NCAPD3: variants seen among roughly 807,000 people sequenced by gnomAD.
NCAPD3 encodes non-SMC condensin II complex subunit D3.
A neutral mutation model predicts 182.9 loss-of-function variants in NCAPD3; 105 were observed. That is an observed-to-expected ratio of 0.57 (90% CI 0.49 to 0.68). NCAPD3 has a LOEUF of 0.68. Ranked by LOEUF, NCAPD3 falls within the 30% of genes least tolerant of loss-of-function variation. The pLI is 0.00. For synonymous variants in NCAPD3, 815 were observed against 679.9 expected (o/e 1.20, Z -3.09); for missense variants, 1,944 against 1,837.0 (o/e 1.06, Z -1.07).
At chr11:134,217,824 C>A (rs1018804913) in intron 2 of NCAPD3, among the ~76,000 whole-genome samples, 5 of 152,132 alleles carry the variant, frequency 3.3e-5, no homozygotes, top group African/African-American at 7.2e-5. Context: ...CTCCACTGGG[C>A]ACAATGGCTC....
Position 134,194,102 on chromosome 11 carries a change from C to A in NCAPD3, c.1738G>T (p.Asp580Tyr), listed in dbSNP as rs1462274104. ...CACTGGTCCTGCAGAATCCACAGGT[C>A]TTCCTTCATGCCTGAGACATCACAG... ...KHCDVSGMKE[D>Y]LWILQDQCRD... The change falls in exon 15 of 35, where the codon GAC (aspartate) becomes TAC (tyrosine). Residue 580 changes from aspartate (D) to tyrosine (Y), a missense_variant. Asp to Tyr is a radical substitution (Grantham distance 160). Transcript: ENST00000534548. 6.2e-7 allele frequency: 1 copy of A among 1,614,182 alleles called. No individual in the cohort carries two copies.
chr11:134,209,832 A>G (rs1937763489), intron 4 of NCAPD3: 1 of 230,224 alleles, frequency 4.3e-6, no homozygotes, highest in African/African-American at 2.3e-5. Flanking sequence ...AGGTGAGTGG[A>G]TCACCTGAGG....
rs145676790 is a variant in NCAPD3, at chr11:134,220,023, T to G, written c.219+549A>C. ...CTTGGTCAGGCTGGTCTTGAACTCC[T>G]GACTTCGTGATCCACCCACCTCGGC... On this transcript the variant is annotated intron_variant, in intron 2 of 34. Transcript: ENST00000534548. Among the ~76,000 whole-genome samples the G allele has an allele frequency of 7.3e-3, 1,105 of 152,246 alleles. 10 individuals are homozygous for G. The highest frequency in any genetic ancestry group is 0.025 in the African/African-American group (1,041 of 41,532).
At chr11:134,164,320 G>A (rs189618554) in intron 27 of NCAPD3, among the ~76,000 whole-genome samples, 1 of 152,376 alleles carries the variant, frequency 6.6e-6, no homozygotes, top group East Asian at 1.9e-4. Flanking sequence ...AGAGATGACT[G>A]AGGGAGTTTT....
upstream of NCAPD3, chr11:134,225,300 C>T (rs755131324): frequency 6.2e-6 from 10 of 1,614,074 alleles, no homozygotes; most frequent in South Asian, 9.9e-5. Flanking sequence ...CCCCAACAAG[C>T]GGCTGGAGCA....
intron 13 of NCAPD3, among the ~76,000 whole-genome samples, chr11:134,195,174 C>G (rs1032982925): frequency 6.6e-6 from 1 of 152,186 alleles, no homozygotes; most frequent in Non-Finnish European, 1.5e-5. Flanking sequence ...AATCATAGCT[C>G]ACCGCAATCT....
rs1412017589 is a variant in NCAPD3 at position 134,151,144 on chromosome 11, C to T, written c.*1800G>A. On this transcript the variant is annotated 3_prime_UTR_variant, in exon 35 of 35. Transcript: ENST00000534548. ...CTGGAGAATGGCTCTCACTACTCAC[C>T]TTGTCTTTCAGCTTCCAGTGTCTTG... 4 of 152,308 alleles carry T rather than the reference C, an allele frequency of 2.6e-5. No homozygotes were observed. Among genetic ancestry groups the T allele is most frequent in the Non-Finnish European group, 5.9e-5 (4 of 68,076 alleles). 9.4% of individuals were successfully genotyped at this position (152,308 alleles called of 1,614,324 possible). A position where few individuals can be genotyped will look rare whatever the true frequency, so the allele number is the denominator to read the frequency against.
intron 24 of NCAPD3, 152 bp from the exon 25 acceptor site, chr11:134,169,206 A>G (rs1490021610): frequency 1.4e-6 from 1 of 707,806 alleles, no homozygotes; most frequent in Non-Finnish European, 2.1e-6. Context: ...GGATCCAAAG[A>G]AGACAGAAAT....
rs564955275 is a variant in NCAPD3, at chr11:134,196,107, C to A, written c.1616-1369G>T. ...ACTAATACACCTTTAGCTAGACTGGCGAAGAAAATAAGAAAGAAAATTGAA... is the reference window on the plus strand; with the variant it reads ...ACTAATACACCTTTAGCTAGACTGGAGAAGAAAATAAGAAAGAAAATTGAA... On this transcript the variant is annotated intron_variant, in intron 13 of 34. Coordinates refer to ENST00000534548, the MANE Select transcript of NCAPD3 (RefSeq NM_015261.3). Among the ~76,000 whole-genome samples, 83 of 151,664 alleles carry A rather than the reference C, an allele frequency of 5.5e-4. No individual in the cohort carries two copies. In the Middle Eastern group the frequency reaches 0.017, roughly 31 times the overall value.
At chr11:134,153,551 C>T (rs932944837) in intron 32 of NCAPD3, 188 bp from the exon 33 acceptor site, 25 of 632,082 alleles carry the variant, frequency 4.0e-5, no homozygotes, top group African/African-American at 3.8e-4. Flanking sequence ...TCCTTTCCGT[C>T]TCTCTGACCC....
At chr11:134,180,369 G>A (rs564006695) in intron 20 of NCAPD3, among the ~76,000 whole-genome samples, 21 of 152,204 alleles carry the variant, frequency 1.4e-4, no homozygotes, top group Admixed American at 9.8e-4. Context: ...GGCCCGTTTT[G>A]GTTAAATAAT....
intron 27 of NCAPD3, among the ~76,000 whole-genome samples, chr11:134,167,637 T>A: frequency 8.4e-6 from 1 of 118,388 alleles, no homozygotes. Context: ...GGCACACTAG[T>A]GAGATGAGCT....
intron 27 of NCAPD3, among the ~76,000 whole-genome samples, chr11:134,166,777 G>T (rs1189742607): frequency 1.6e-5 from 2 of 127,168 alleles, no homozygotes; most frequent in African/African-American, 6.2e-5. Context: ...TGAGCTTGGG[G>T]GAGGCGCACA....
rs865850831 is a variant in NCAPD3 at position 134,176,643 on chromosome 11, C to G, written c.3022-257G>C. On this transcript the variant is annotated intron_variant, in intron 23 of 34. Coordinates refer to ENST00000534548, the MANE Select transcript of NCAPD3 (RefSeq NM_015261.3). ...GCCACCCTCTATTTATAATACGGTT[C>G]GTAATACATGAAAAGATGAGCATAC... Among the ~76,000 whole-genome samples, 4 of 152,110 alleles carry G rather than the reference C, an allele frequency of 2.6e-5. No individual in the cohort carries two copies. The South Asian group carries it at 6.2e-4, about 24-fold the overall frequency.
chr11:134,170,449 C>A (rs930428399), intron 24 of NCAPD3, among the ~76,000 whole-genome samples: 3 of 152,164 alleles, frequency 2.0e-5, no homozygotes, highest in Admixed American at 6.5e-5. Flanking sequence ...ATGAAAAAAA[C>A]CACTAAACAA....
At chr11:134,211,459 G>T (rs750284903) in intron 3 of NCAPD3, among the ~76,000 whole-genome samples, 1 of 151,990 alleles carries the variant, frequency 6.6e-6, no homozygotes, top group East Asian at 1.9e-4. Context: ...ACCAGTCTGA[G>T]CAACACAGCA....
chr11:134,202,290 G>A (rs1944766078), intron 13 of NCAPD3, among the ~76,000 whole-genome samples: 1 of 152,106 alleles, frequency 6.6e-6, no homozygotes, highest in Non-Finnish European at 1.5e-5. Context: ...AAGATGGGAG[G>A]GTGTTACAAC....
chr11:134,152,964 G>A lies in NCAPD3; in HGVS notation c.4477C>T (p.Pro1493Ser), dbSNP rs1555123168. ...ACSRRSLRKT[P>S]LKTAN ...GCTGTTTAGTTGGCTGTTTTCAGAG[G>A]GGTCTTTCGGAGGGACCTCCTGCTG... The change falls in exon 35 of 35, where the codon CCT (proline) becomes TCT (serine). Residue 1493 changes from proline to serine, a missense_variant. Physicochemically the swap from Pro to Ser is moderately conservative, Grantham distance 74. Transcript: ENST00000534548. The A allele has an allele frequency of 6.4e-7, 1 of 1,562,618 alleles. No individual in the cohort carries two copies. Among genetic ancestry groups the A allele is most frequent in the South Asian group, 1.2e-5 (1 of 81,690 alleles).
In NCAPD3 at chr11:134,223,086, T is replaced by C. The variant is rs1032151191; in HGVS notation, c.64+777A>G. On this transcript the variant is annotated intron_variant, in intron 1 of 34. Coordinates refer to ENST00000534548, the MANE Select transcript of NCAPD3 (RefSeq NM_015261.3). The stretch of plus-strand genomic sequence containing the variant: ...TCTTGGAAAATCAAACTGGAGAGAA[T>C]GGCAGCTCTTATAAAGCATGCCAAG... 1.0e-5 allele frequency: 3 copies of C among 295,154 alleles called. No homozygotes were observed. In the Admixed American group the frequency reaches 1.4e-4, roughly 14 times the overall value. The allele number at this position is 295,154 out of a possible 1,614,324, so 18.3% of individuals were successfully genotyped here.
Sources: gnomAD v4.1 joint callset for allele counts (sites outside exome capture counted in the v4.1 genomes callset) on GRCh38, gnomAD v4.1.1 for gene constraint, MANE v1.5 for transcripts, NCBI Gene and HGNC (gene_info 2026-07-23, HGNC 2026-07-21) for gene names.